SETX: variants seen among roughly 807,000 people sequenced by gnomAD.
The protein encoded by SETX is helicase senataxin.
A neutral mutation model predicts 227.2 loss-of-function variants in SETX; 90 were observed. The ratio of observed to expected loss-of-function variants is 0.40; its 90% CI spans 0.33 to 0.47. The LOEUF (loss-of-function observed/expected upper bound fraction) is 0.47. SETX is among the 20% of genes least tolerant of loss of function. SETX has a pLI of 0.91. For missense variants in SETX, 3,052 were observed against 3,181.5 expected (o/e 0.96, Z 0.98); for synonymous variants, 1,210 against 1,113.2 (o/e 1.09, Z -1.73).
At chr9:132,349,506 C>T in intron 2 of SETX, 71 bp from the exon 3 acceptor site, 1 of 1,471,674 alleles carries the variant, frequency 6.8e-7, no homozygotes. Flanking sequence ...AATAGGTACA[C>T]TTTCAACTTG....
Position 132,283,450 on chromosome 9 carries a change from C to A in SETX, c.6397-37G>T, listed in dbSNP as rs1843656893. 4.3e-6 allele frequency: 7 copies of A among 1,613,020 alleles called. 1 individual carries two copies. The highest frequency in any genetic ancestry group is 4.5e-5 in the East Asian group (2 of 44,874). ...AAGGTTAAATCAATATTCAGCTGTACATCAATCCTTGACTATGACAGGCCT... is the reference window on the plus strand; with the variant it reads ...AAGGTTAAATCAATATTCAGCTGTAAATCAATCCTTGACTATGACAGGCCT... On this transcript the variant is annotated intron_variant, in intron 18 of 25. Coordinates refer to ENST00000224140, the MANE Select transcript of SETX (RefSeq NM_015046.7).
At chr9:132,284,564 C>T (rs931913696) in intron 18 of SETX, among the ~76,000 whole-genome samples, 3 of 152,154 alleles carry the variant, frequency 2.0e-5, no homozygotes, top group East Asian at 1.9e-4. Context: ...ACACCTGGCT[C>T]GGCCAAGCTT....
chr9:132,335,808 G>A (rs1206136523), intron 6 of SETX, among the ~76,000 whole-genome samples: 2 of 152,128 alleles, frequency 1.3e-5, no homozygotes, highest in Non-Finnish European at 2.9e-5. Context: ...AAGTTTCTAG[G>A]ATATAAATAC....
At chr9:132,352,715 T>C (rs888604278) in intron 2 of SETX, among the ~76,000 whole-genome samples, 1 of 152,238 alleles carries the variant, frequency 6.6e-6, no homozygotes, top group African/African-American at 2.4e-5. Context: ...ACTCCAGATA[T>C]ATTCAATATC....
chr9:132,338,534 T>C (rs1169714612), intron 5 of SETX, among the ~76,000 whole-genome samples: 1 of 152,206 alleles, frequency 6.6e-6, no homozygotes, highest in Non-Finnish European at 1.5e-5. Flanking sequence ...CAGCAATAAC[T>C]AGAGGTTTTG....
rs185365868 is a variant in SETX, at chr9:132,292,919, C to G, written c.6106+2953G>C. Reference sequence around the variant, plus strand: ...CCCAAAGTGCTGGAATTACAGGCGTCAGCCACCGCACCTGGCCCCAACTCA... The same window carrying G: ...CCCAAAGTGCTGGAATTACAGGCGTGAGCCACCGCACCTGGCCCCAACTCA... On this transcript the variant is annotated intron_variant, in intron 15 of 25. Coordinates refer to ENST00000224140, the MANE Select transcript of SETX (RefSeq NM_015046.7). 3.2e-3 allele frequency among the ~76,000 whole-genome samples: 494 copies of G among 152,182 alleles called. 4 individuals are homozygous for G. Among genetic ancestry groups the G allele is most frequent in the African/African-American group, 0.011 (470 of 41,544 alleles).
intron 22 of SETX, 24 bp from the exon 23 acceptor site, chr9:132,275,444 C>G (rs774334913): frequency 6.3e-7 from 1 of 1,583,000 alleles, no homozygotes; most frequent in South Asian, 1.1e-5. Context: ...AAAAAGAAAA[C>G]ACAGTGTTAT....
chr9:132,305,389 C>T (rs1331686303), intron 11 of SETX, among the ~76,000 whole-genome samples: 1 of 148,842 alleles, frequency 6.7e-6, no homozygotes, highest in Admixed American at 6.6e-5. Flanking sequence ...GAACAAAAAC[C>T]TCAAAAATGA....
In SETX at chr9:132,327,916, T is replaced by G. The variant is rs1416326648; in HGVS notation, c.3682A>C (p.Thr1228Pro). 4 of 1,614,204 alleles carry G rather than the reference T, an allele frequency of 2.5e-6. No homozygotes were observed. The Admixed American group carries it at 6.7e-5, about 27-fold the overall frequency. ...ACTTTCCTGATGGGTTCTGTACAAGTACAAAGCTTTGAAGACTTCTTTTGT... is the reference window on the plus strand; with the variant it reads ...ACTTTCCTGATGGGTTCTGTACAAGGACAAAGCTTTGAAGACTTCTTTTGT... ...VSQKKSSKLC[T>P]CTEPIRKVPV... Residue 1228 changes from threonine to proline, a missense_variant, in exon 10 of 26, where the codon ACT (threonine) becomes CCT (proline). Coordinates refer to ENST00000224140, the MANE Select transcript of SETX (RefSeq NM_015046.7).
At chr9:132,339,225 T>A (rs1480833661) in intron 5 of SETX, among the ~76,000 whole-genome samples, 2 of 152,212 alleles carry the variant, frequency 1.3e-5, no homozygotes, top group African/African-American at 4.8e-5. Context: ...GGCTCATGCA[T>A]GTAATCTCAA....
chr9:132,350,023 C>G (rs1212359215), intron 2 of SETX, among the ~76,000 whole-genome samples: 1 of 152,114 alleles, frequency 6.6e-6, no homozygotes, highest in Non-Finnish European at 1.5e-5. Context: ...TGTTTAAAAA[C>G]TCTCCACTCA....
Position 132,303,250 on chromosome 9 carries a change from T to A in SETX, c.5375-2447A>T, listed in dbSNP as rs1276368932. 2.0e-5 allele frequency among the ~76,000 whole-genome samples: 3 copies of A among 150,532 alleles called. No individual in the cohort carries two copies. In the Admixed American group the frequency reaches 2.0e-4, roughly 10 times the overall value. ...GTTGCCCAGACTGCTCTCAAACTCCTGGCCTGAAGTGATCTTCCTGTTTTG... is the reference window on the plus strand; with the variant it reads ...GTTGCCCAGACTGCTCTCAAACTCCAGGCCTGAAGTGATCTTCCTGTTTTG... On this transcript the variant is annotated intron_variant, in intron 11 of 25. Transcript: ENST00000224140.
At chr9:132,303,003 C>T (rs1032497910) in intron 11 of SETX, among the ~76,000 whole-genome samples, 1 of 151,958 alleles carries the variant, frequency 6.6e-6, no homozygotes, top group Non-Finnish European at 1.5e-5. Flanking sequence ...AACTGAGCAC[C>T]TATTTTTACA....
At chr9:132,288,478 C>G (rs1483480884) in intron 16 of SETX, 72 bp downstream of exon 16, 1 of 1,444,724 alleles carries the variant, frequency 6.9e-7, no homozygotes, top group African/African-American at 1.4e-5. Context: ...TTCAAATTAC[C>G]TTTAGTGCCC....
intron 10 of SETX, among the ~76,000 whole-genome samples, chr9:132,312,097 TC>T (rs1845700818): frequency 6.6e-6 from 1 of 152,222 alleles, no homozygotes; most frequent in Non-Finnish European, 1.5e-5. Context: ...AAAATTCTGT[TC>T]TTCAAACTAG....
At chr9:132,295,608 A>T (rs1223343750) in intron 15 of SETX, among the ~76,000 whole-genome samples, 1 of 152,214 alleles carries the variant, frequency 6.6e-6, no homozygotes, top group African/African-American at 2.4e-5. Context: ...CTCACTGTGG[A>T]ACTTATCACT....
At chr9:132,354,528 A>AG (rs1248062609) in intron 1 of SETX, among the ~76,000 whole-genome samples, 2 of 151,432 alleles carry the variant, frequency 1.3e-5, no homozygotes, top group African/African-American at 2.4e-5. Context: ...AGAAAAAAAA[A>AG]CAAAGGGAGG....
At chr9:132,284,768 C>CTTCT (rs1843740773) in intron 18 of SETX, among the ~76,000 whole-genome samples, 1 of 152,140 alleles carries the variant, frequency 6.6e-6, no homozygotes, top group Admixed American at 6.5e-5. Flanking sequence ...CATCACTCTA[C>CTTCT]TTCTATCCAG....
chr9:132,276,690 C>T (rs972265059), intron 22 of SETX, among the ~76,000 whole-genome samples: 2 of 152,188 alleles, frequency 1.3e-5, no homozygotes, highest in African/African-American at 4.8e-5. Context: ...TTCCTTCCTC[C>T]CTTTCACATT....
Sources: gnomAD v4.1 joint callset for allele counts (sites outside exome capture counted in the v4.1 genomes callset) on GRCh38, gnomAD v4.1.1 for gene constraint, MANE v1.5 for transcripts, NCBI Gene and HGNC (gene_info 2026-07-23, HGNC 2026-07-21) for gene names.